CDH13: variants seen among roughly 807,000 people sequenced by gnomAD.
CDH13 encodes the protein cadherin-13.
A neutral mutation model predicts 63.8 loss-of-function variants in CDH13; 24 were observed. The observed-to-expected ratio is 0.38, with a 90% CI of 0.27 to 0.53. The LOEUF is 0.53. Ranked by LOEUF, CDH13 falls within the 20% of genes least tolerant of loss-of-function variation. The pLI is 0.85. For synonymous variants in CDH13, 503 were observed against 355.3 expected (o/e 1.42, Z -4.67); for missense variants, 1,049 against 903.1 (o/e 1.16, Z -2.07).
At chr16:83,445,342 C>T (rs2072655757) in intron 6 of CDH13, among the ~76,000 whole-genome samples, 1 of 108,452 alleles carries the variant, frequency 9.2e-6, no homozygotes, top group Non-Finnish European at 2.4e-5. Flanking sequence ...AATCATTCTT[C>T]TACAAAAGAA....
chr16:83,092,787 C>G (rs1392158682), intron 3 of CDH13, among the ~76,000 whole-genome samples: 1 of 152,166 alleles, frequency 6.6e-6, no homozygotes, highest in African/African-American at 2.4e-5. Flanking sequence ...ATTCACTCAC[C>G]AAATCTAGAA....
At chr16:83,039,461 C>T (rs1156722624) in intron 3 of CDH13, among the ~76,000 whole-genome samples, 3 of 152,336 alleles carry the variant, frequency 2.0e-5, no homozygotes, top group East Asian at 1.9e-4. Flanking sequence ...ATCTCCCCTA[C>T]TGGTCTCACT....
At chr16:83,221,469 A>G (rs2151792947) in intron 5 of CDH13, among the ~76,000 whole-genome samples, 1 of 152,286 alleles carries the variant, frequency 6.6e-6, no homozygotes, top group East Asian at 1.9e-4. Context: ...TGATATGTGA[A>G]CTCTTCACTG....
At chr16:83,293,843 A>G (rs1345988806) in intron 5 of CDH13, among the ~76,000 whole-genome samples, 2 of 152,220 alleles carry the variant, frequency 1.3e-5, no homozygotes, top group Non-Finnish European at 2.9e-5. Context: ...AACAATAGGA[A>G]TAACAATCAG....
chr16:83,778,295 C>T lies in CDH13; in HGVS notation c.1682-1673C>T, dbSNP rs143822954. On this transcript the variant is annotated intron_variant, in intron 11 of 13. Transcript: ENST00000567109. ...CTGTAATCCCAACACATTGGGAGGC[C>T]GAGGCAGGTGGATCACTTGAAGTCA... is the stretch of plus-strand genomic sequence containing the variant. 4.8e-3 allele frequency among the ~76,000 whole-genome samples: 736 copies of T among 152,250 alleles called. 7 individuals are homozygous for T. The highest frequency in any genetic ancestry group is 0.016 in the African/African-American group (685 of 41,530).
At chr16:83,473,914 T>C (rs927126477) in intron 6 of CDH13, among the ~76,000 whole-genome samples, 3 of 152,134 alleles carry the variant, frequency 2.0e-5, no homozygotes, top group Non-Finnish European at 4.4e-5. Flanking sequence ...GTTTGTGGGA[T>C]GATTAAATGC....
chr16:83,311,568 A>G (rs958605908), intron 5 of CDH13, among the ~76,000 whole-genome samples: 5 of 152,158 alleles, frequency 3.3e-5, no homozygotes, highest in African/African-American at 1.2e-4. Context: ...TTCCCATTTT[A>G]CAGAGTTTAA....
chr16:83,076,691 T>C (rs1190773412), intron 3 of CDH13, among the ~76,000 whole-genome samples: 2 of 152,068 alleles, frequency 1.3e-5, no homozygotes, highest in Non-Finnish European at 2.9e-5. Context: ...TTTTTATGCA[T>C]TTCAAAGTAA....
intron 1 of CDH13, among the ~76,000 whole-genome samples, chr16:82,757,275 A>C (rs1597486129): frequency 2.0e-5 from 3 of 152,278 alleles, no homozygotes; most frequent in East Asian, 3.9e-4. Context: ...CTTTGAAGAT[A>C]CTTGAATGAG....
At chr16:83,371,589 G>C (rs563854680) in intron 6 of CDH13, among the ~76,000 whole-genome samples, 3 of 152,212 alleles carry the variant, frequency 2.0e-5, no homozygotes, top group African/African-American at 7.2e-5. Context: ...GCAATACCTG[G>C]TACGTTTCCA....
intron 1 of CDH13, among the ~76,000 whole-genome samples, chr16:82,852,933 A>C (rs1161545057): frequency 6.6e-6 from 1 of 152,204 alleles, no homozygotes; most frequent in East Asian, 1.9e-4. Context: ...GCAAACTCCA[A>C]AGTTGGGTAT....
At chr16:83,728,873 T>G (rs560040755) in intron 10 of CDH13, 1 of 152,818 alleles carries the variant, frequency 6.5e-6, no homozygotes, top group South Asian at 2.0e-4. Context: ...CTCACAGTTC[T>G]GGAGGCTGGA....
intron 8 of CDH13, among the ~76,000 whole-genome samples, chr16:83,662,736 A>G (rs1352264407): frequency 2.0e-5 from 3 of 152,222 alleles, no homozygotes; most frequent in Non-Finnish European, 2.9e-5. Context: ...GGGACCACTC[A>G]CCTGATGAGA....
chr16:82,654,893 A>G (rs1911127175), intron 1 of CDH13, among the ~76,000 whole-genome samples: 1 of 152,124 alleles, frequency 6.6e-6, no homozygotes, highest in Non-Finnish European at 1.5e-5. Context: ...TCCCAACACT[A>G]CTGAGGTAGA....
At chr16:82,897,591 C>G (rs1474508149) in intron 2 of CDH13, among the ~76,000 whole-genome samples, 1 of 152,216 alleles carries the variant, frequency 6.6e-6, no homozygotes, top group Non-Finnish European at 1.5e-5. Context: ...ATAGGTTATG[C>G]AACTTACTCA....
intron 7 of CDH13, among the ~76,000 whole-genome samples, chr16:83,584,612 G>C (rs964917572): frequency 6.6e-6 from 1 of 152,212 alleles, no homozygotes; most frequent in Non-Finnish European, 1.5e-5. Flanking sequence ...AAAGGCAAAA[G>C]TGAGTGGACC....
chr16:82,952,242 C>A (rs1047425697), intron 2 of CDH13, among the ~76,000 whole-genome samples: 7 of 152,208 alleles, frequency 4.6e-5, no homozygotes, highest in Non-Finnish European at 8.8e-5. Flanking sequence ...AGTGCCACTT[C>A]TACCTGTCAT....
At chr16:83,228,008 G>A (rs190662860) in intron 5 of CDH13, among the ~76,000 whole-genome samples, 12 of 152,264 alleles carry the variant, frequency 7.9e-5, no homozygotes, top group South Asian at 6.2e-4. Context: ...ACACGGAGCC[G>A]ATAAAAGATA....
intron 1 of CDH13, among the ~76,000 whole-genome samples, chr16:82,832,806 A>T (rs2038605062): frequency 6.6e-6 from 1 of 152,228 alleles, no homozygotes; most frequent in Non-Finnish European, 1.5e-5. Context: ...CTTCTTGAGC[A>T]TCTACTGGGT....
Sources: gnomAD v4.1 joint callset for allele counts (sites outside exome capture counted in the v4.1 genomes callset) on GRCh38, gnomAD v4.1.1 for gene constraint, MANE v1.5 for transcripts, NCBI Gene and HGNC (gene_info 2026-07-23, HGNC 2026-07-21) for gene names.